Variants in SNAP25 observed in about 807,000 individuals in gnomAD.
SNAP25 encodes the protein synaptosome associated protein 25.
In SNAP25, 3 loss-of-function variants were observed where a neutral mutation model predicts 28.7. That is an observed-to-expected ratio of 0.10 (90% CI 0.05 to 0.27). The LOEUF (loss-of-function observed/expected upper bound fraction) is 0.27, where lower values mean the gene tolerates loss of function less well. Ranked by LOEUF, SNAP25 falls within the 10% of genes least tolerant of loss-of-function variation. The pLI is 1.00. For missense variants in SNAP25, 117 were observed against 278.7 expected (o/e 0.42, Z 4.13); for synonymous variants, 61 against 88.1 (o/e 0.69, Z 1.72).
intron 1 of SNAP25, among the ~76,000 whole-genome samples, chr20:10,244,004 T>G (rs909551194): frequency 6.6e-6 from 1 of 152,226 alleles, no homozygotes; most frequent in African/African-American, 2.4e-5. Context: ...TTCCCTGGGA[T>G]TGAGACAGCA....
At chr20:10,234,957 G>A (rs1600653879) in intron 1 of SNAP25, among the ~76,000 whole-genome samples, 1 of 152,344 alleles carries the variant, frequency 6.6e-6, no homozygotes, top group African/African-American at 2.4e-5. Flanking sequence ...AGCTATTTGA[G>A]AGGCCAAGGC....
chr20:10,269,298 C>G (rs1465890235), intron 1 of SNAP25, among the ~76,000 whole-genome samples: 1 of 152,130 alleles, frequency 6.6e-6, no homozygotes, highest in Non-Finnish European at 1.5e-5. Flanking sequence ...CTCCCAGTTA[C>G]TCCGGAGGCT....
chr20:10,296,685 C>G (rs2064117729), intron 5 of SNAP25: 1 of 493,806 alleles, frequency 2.0e-6, no homozygotes, highest in South Asian at 2.9e-5. Flanking sequence ...AAAACAAGAA[C>G]AACCTTGTGG....
chr20:10,264,062 A>AG (rs2063465643), intron 1 of SNAP25, among the ~76,000 whole-genome samples: 1 of 152,148 alleles, frequency 6.6e-6, no homozygotes, highest in African/African-American at 2.4e-5. Flanking sequence ...ATTTTCGAAA[A>AG]AGAGAGATTT....
rs144732306 is a variant in SNAP25, at chr20:10,289,155, T to G, written c.164-4006T>G. 5.2e-3 allele frequency among the ~76,000 whole-genome samples: 791 copies of G among 152,270 alleles called. 5 individuals are homozygous for G. Among genetic ancestry groups the G allele is most frequent in the African/African-American group, 0.017 (698 of 41,560 alleles). On this transcript the variant is annotated intron_variant, in intron 4 of 7. Transcript: ENST00000254976. The stretch of plus-strand genomic sequence containing the variant: ...AATGATTGCACTAGGAAATTTCCTA[T>G]GGGATTCTTGCTTTATACCCAGGTA...
chr20:10,254,625 C>T (rs1252047981), intron 1 of SNAP25, among the ~76,000 whole-genome samples: 1 of 152,168 alleles, frequency 6.6e-6, no homozygotes, highest in Non-Finnish European at 1.5e-5. Flanking sequence ...AAACACAGAA[C>T]TTTGAGCAGT....
intron 3 of SNAP25, among the ~76,000 whole-genome samples, chr20:10,281,492 C>T (rs1310042613): frequency 2.0e-5 from 3 of 152,178 alleles, no homozygotes; most frequent in Middle Eastern, 3.2e-3. Flanking sequence ...ATCAAATGTA[C>T]ATTACCTAAT....
intron 5 of SNAP25, 25 bp from the exon 6 acceptor site, chr20:10,296,900 G>A: frequency 6.2e-7 from 1 of 1,613,684 alleles, no homozygotes; most frequent in Non-Finnish European, 8.5e-7. Flanking sequence ...CCTGTGCCTT[G>A]TCACTCACCC....
chr20:10,241,586 T>A, intron 1 of SNAP25, among the ~76,000 whole-genome samples: 1 of 151,628 alleles, frequency 6.6e-6, no homozygotes, highest in East Asian at 1.9e-4. Context: ...TAGGGTGAGG[T>A]GGTCGAGAGA....
chr20:10,295,234 A>G (rs999614065), intron 5 of SNAP25, among the ~76,000 whole-genome samples: 1 of 152,206 alleles, frequency 6.6e-6, no homozygotes, highest in Non-Finnish European at 1.5e-5. Context: ...ATGTGAGTCT[A>G]TGTGCAGCAT....
chr20:10,274,771 A>C (rs1056740117), intron 1 of SNAP25, among the ~76,000 whole-genome samples: 2 of 152,244 alleles, frequency 1.3e-5, no homozygotes, highest in African/African-American at 2.4e-5. Flanking sequence ...TGAACCCGGG[A>C]GGCAGAGCTT....
chr20:10,296,804 A>C lies in SNAP25; in HGVS notation c.282-121A>C, dbSNP rs362987. ...GTCTGGATTATGATATATCGGTATT[A>C]TCTAATGCCTCGACTTAAAACTCAT... On this transcript the variant is annotated intron_variant, in intron 5 of 7. Coordinates refer to ENST00000254976, the MANE Select transcript of SNAP25 (RefSeq NM_130811.4). The C allele has an allele frequency of 0.48, 707,282 of 1,463,396 alleles. 172,744 individuals carry two copies. The highest frequency in any genetic ancestry group is 0.57 in the Middle Eastern group (2,316 of 4,028). 90.7% of individuals were successfully genotyped at this position (1,463,396 alleles called of 1,614,324 possible).
At chr20:10,225,420 G>A (rs2062718345) in intron 1 of SNAP25, among the ~76,000 whole-genome samples, 1 of 152,078 alleles carries the variant, frequency 6.6e-6, no homozygotes, top group Non-Finnish European at 1.5e-5. Flanking sequence ...AAGAGATGGG[G>A]GGAAATCCTA....
chr20:10,239,630 C>A (rs2062989072), intron 1 of SNAP25, among the ~76,000 whole-genome samples: 1 of 152,214 alleles, frequency 6.6e-6, no homozygotes, highest in Non-Finnish European at 1.5e-5. Flanking sequence ...ATTCACTCTG[C>A]CAAATGCAGT....
At position 10,263,583 on chromosome 20, in the gene SNAP25, A is replaced by G. The variant is rs531608755; in HGVS notation, c.-63-11846A>G. 4.6e-5 allele frequency among the ~76,000 whole-genome samples: 7 copies of G among 152,238 alleles called. No individual in the cohort carries two copies. The East Asian group carries it at 1.4e-3, about 29-fold the overall frequency. Reference sequence around the variant, plus strand: ...TGTCTGTTCACGCACTCCTGAGAGGAATCATTTTGTTTAGGGTATAACAAG... The same window carrying G: ...TGTCTGTTCACGCACTCCTGAGAGGGATCATTTTGTTTAGGGTATAACAAG... On this transcript the variant is annotated intron_variant, in intron 1 of 7. Transcript: ENST00000254976.
intron 1 of SNAP25, among the ~76,000 whole-genome samples, chr20:10,265,281 G>A (rs1016991031): frequency 6.6e-6 from 1 of 152,170 alleles, no homozygotes; most frequent in Non-Finnish European, 1.5e-5. Flanking sequence ...GATTTAAGAA[G>A]TGTCCATTCT....
intron 1 of SNAP25, among the ~76,000 whole-genome samples, chr20:10,254,338 G>A (rs571006023): frequency 1.3e-5 from 2 of 152,292 alleles, no homozygotes; most frequent in East Asian, 3.9e-4. Context: ...AGACTCCAGA[G>A]CTCCATGGAG....
At chr20:10,259,787 T>G (rs1176036112) in intron 1 of SNAP25, among the ~76,000 whole-genome samples, 1 of 152,184 alleles carries the variant, frequency 6.6e-6, no homozygotes, top group African/African-American at 2.4e-5. Context: ...TCCTCCTGCC[T>G]TGACCTCCCA....
At chr20:10,232,361 C>T (rs1428366976) in intron 1 of SNAP25, among the ~76,000 whole-genome samples, 1 of 152,216 alleles carries the variant, frequency 6.6e-6, no homozygotes, top group African/African-American at 2.4e-5. Context: ...GATTTCCATG[C>T]TGGAACCACA....
Sources: allele counts gnomAD v4.1 joint callset (sites outside exome capture counted in the v4.1 genomes callset), GRCh38; gene constraint gnomAD v4.1.1; transcripts MANE v1.5; gene names NCBI Gene and HGNC (gene_info 2026-07-23, HGNC 2026-07-21).